EGFR: variants seen among roughly 807,000 people sequenced by gnomAD.
EGFR encodes avian erythroblastic leukemia viral (v-erb-b) oncogene homolog.
Under a neutral mutation model 143.0 loss-of-function variants are expected in EGFR, and 58 were observed. The ratio of observed to expected loss-of-function variants is 0.41; its 90% confidence interval spans 0.33 to 0.50. The LOEUF (loss-of-function observed/expected upper bound fraction) is 0.50, where lower values mean the gene tolerates loss of function less well. EGFR is among the 20% of genes least tolerant of loss of function. The probability of loss-of-function intolerance (pLI) is 0.39; values close to 1 mark genes in which losing one functional copy is unlikely to be tolerated. For synonymous variants in EGFR, 613 were observed against 594.4 expected (o/e 1.03, Z -0.45); for missense variants, 1,307 against 1,579.0 (o/e 0.83, Z 2.92).
chr7:55,206,048 C>A lies in EGFR; in HGVS notation c.*431C>A, dbSNP rs1241420062. 5.6e-6 allele frequency: 2 copies of A among 358,306 alleles called. No homozygotes were observed. Among genetic ancestry groups the A allele is most frequent in the Non-Finnish European group, 1.0e-5 (2 of 194,320 alleles). The allele number at this position is 358,306 out of a possible 1,614,324, so 22.2% of individuals were successfully genotyped here. A position where few individuals can be genotyped will look rare whatever the true frequency, so the allele number is the denominator to read the frequency against. On this transcript the variant is annotated 3_prime_UTR_variant, in exon 28 of 28. Coordinates refer to ENST00000275493, the MANE Select transcript of EGFR (RefSeq NM_005228.5). ...CTACCCTGAGTTCATCCAGGCCCAA[C>A]TGTGAGCAAGGAGCACAAGCCACAA...
intron 5 of EGFR, among the ~76,000 whole-genome samples, chr7:55,151,719 A>C (rs1360793664): frequency 1.3e-5 from 2 of 152,128 alleles, no homozygotes; most frequent in Admixed American, 6.5e-5. Flanking sequence ...CTAAAAATAC[A>C]AAAAATTAGC....
At chr7:55,172,585 T>C (rs1424644158) in intron 16 of EGFR, among the ~76,000 whole-genome samples, 2 of 152,218 alleles carry the variant, frequency 1.3e-5, no homozygotes, top group Admixed American at 6.5e-5. Context: ...GGTCCATGTG[T>C]ATGGACTATG....
rs1056290495 is a variant in EGFR at position 55,153,744 on chromosome 7, C to T, written c.748-267C>T. ...TAATGTGTGAACTCCATCATCTATA[C>T]GTTAGTAAACAGACGTATTTTTATC... On this transcript the variant is annotated intron_variant, in intron 6 of 27. Transcript: ENST00000275493. 7.2e-5 allele frequency among the ~76,000 whole-genome samples: 11 copies of T among 152,070 alleles called. No homozygotes were observed. In the East Asian group the frequency reaches 7.7e-4, roughly 11 times the overall value.
At chr7:55,166,833 CAG>C (rs1786036884) in intron 15 of EGFR, among the ~76,000 whole-genome samples, 1 of 56,262 alleles carries the variant, frequency 1.8e-5, no homozygotes, top group Admixed American at 1.7e-4. Flanking sequence ...ACAATGGTGG[CAG>C]TGTTGGTGGT....
rs1332428616 is a variant in EGFR, at chr7:55,143,407, A to C, written c.343A>C (p.Asn115His). ...CATCAGAGGAAATATGTACTACGAA[A>C]ATTCCTATGCCTTAGCAGTCTTATC... ...QIIRGNMYYENSYALAVLSNY... is the reference protein window; with the variant it reads ...QIIRGNMYYEHSYALAVLSNY... Residue 115 changes from asparagine to histidine, a missense_variant, in exon 3 of 28, where the codon AAT becomes CAT. Asn to His is a moderately conservative substitution (Grantham distance 68). This residue lies in a region of EGFR where 311 missense variants were observed against 412.3 expected (regional missense o/e 0.75). Transcript: ENST00000275493. 6.2e-7 allele frequency: 1 copy of C among 1,614,182 alleles called. No homozygotes were observed. The highest frequency in any genetic ancestry group is 2.2e-5 in the East Asian group (1 of 44,890).
At chr7:55,079,322 G>A (rs889256349) in intron 1 of EGFR, among the ~76,000 whole-genome samples, 1 of 152,224 alleles carries the variant, frequency 6.6e-6, no homozygotes, top group African/African-American at 2.4e-5. Flanking sequence ...CCTGTGCAGC[G>A]GGGAAGAGGG....
chr7:55,173,210 G>C (rs1469684796), intron 17 of EGFR, 86 bp downstream of exon 17: 1 of 1,556,350 alleles, frequency 6.4e-7, no homozygotes, highest in Non-Finnish European at 8.7e-7. Flanking sequence ...ATTAGCAGTT[G>C]TGTATGTTAG....
intron 1 of EGFR, among the ~76,000 whole-genome samples, chr7:55,128,194 G>A (rs550907476): frequency 2.3e-4 from 35 of 152,292 alleles, no homozygotes; most frequent in South Asian, 1.9e-3. Flanking sequence ...CTAGACCACC[G>A]AACGATGCCT....
chr7:55,141,784 C>A (rs1008192964), intron 1 of EGFR, among the ~76,000 whole-genome samples: 6 of 152,130 alleles, frequency 3.9e-5, no homozygotes, highest in African/African-American at 1.4e-4. Context: ...ATGTGACTCA[C>A]AATATTTTTG....
intron 15 of EGFR, chr7:55,170,190 G>A (rs1439925437): frequency 4.4e-6 from 7 of 1,574,288 alleles, no homozygotes; most frequent in Middle Eastern, 3.4e-4. Flanking sequence ...GAAGAGCAGT[G>A]TAGAGAACAG....
intron 1 of EGFR, among the ~76,000 whole-genome samples, chr7:55,096,279 C>A (rs1241034808): frequency 6.6e-6 from 1 of 152,172 alleles, no homozygotes; most frequent in East Asian, 1.9e-4. Context: ...GATACACATA[C>A]CTCAGATTTT....
At chr7:55,047,079 T>C (rs1050690890) in intron 1 of EGFR, among the ~76,000 whole-genome samples, 1 of 152,212 alleles carries the variant, frequency 6.6e-6, no homozygotes, top group Non-Finnish European at 1.5e-5. Context: ...ACCGGTACGA[T>C]AGGGCCATTC....
chr7:55,199,147 C>T (rs41366547), intron 23 of EGFR, among the ~76,000 whole-genome samples: 1 of 152,320 alleles, frequency 6.6e-6, no homozygotes, highest in Non-Finnish European at 1.5e-5. Flanking sequence ...CGCTGAGTTA[C>T]TCAATGAAAT....
intron 1 of EGFR, among the ~76,000 whole-genome samples, chr7:55,052,540 G>A (rs1182656987): frequency 1.3e-5 from 2 of 152,242 alleles, no homozygotes; most frequent in Admixed American, 6.5e-5. Flanking sequence ...CGTGCTGGCT[G>A]TGTCCTGCTG....
chr7:55,136,066 A>T (rs1794122624), intron 1 of EGFR, among the ~76,000 whole-genome samples: 1 of 152,204 alleles, frequency 6.6e-6, no homozygotes, highest in Non-Finnish European at 1.5e-5. Context: ...TCCTCCTGTC[A>T]TGCTTCCGTG....
At chr7:55,141,487 G>A (rs114423046) in intron 1 of EGFR, among the ~76,000 whole-genome samples, 2 of 152,106 alleles carry the variant, frequency 1.3e-5, no homozygotes, top group East Asian at 1.9e-4. Flanking sequence ...CTGTGCCTCC[G>A]CCTGTGCTGG....
At chr7:55,062,044 A>C (rs1261818983) in intron 1 of EGFR, among the ~76,000 whole-genome samples, 1 of 152,214 alleles carries the variant, frequency 6.6e-6, no homozygotes, top group African/African-American at 2.4e-5. Context: ...ACCCTGGAGC[A>C]CAAACCAAAA....
At chr7:55,052,362 C>T (rs765395579) in intron 1 of EGFR, among the ~76,000 whole-genome samples, 11 of 152,170 alleles carry the variant, frequency 7.2e-5, no homozygotes, top group Non-Finnish European at 1.5e-4. Context: ...GATGATGCAT[C>T]CACAGCATTG....
chr7:55,057,908 A>G (rs1788924541), intron 1 of EGFR, among the ~76,000 whole-genome samples: 1 of 152,262 alleles, frequency 6.6e-6, no homozygotes, highest in Non-Finnish European at 1.5e-5. Context: ...TCACAAAAGC[A>G]ACGTGCTCTT....
Sources: allele counts gnomAD v4.1 joint callset (sites outside exome capture counted in the v4.1 genomes callset), GRCh38; gene constraint gnomAD v4.1.1; regional missense constraint gnomAD v4.1.1; transcripts MANE v1.5; gene names NCBI Gene and HGNC (gene_info 2026-07-23, HGNC 2026-07-21).